The following PPARGC1B variants were observed in gnomAD, a reference collection of about 807,000 sequenced individuals.
The protein encoded by PPARGC1B is PPARG coactivator 1 beta.
In PPARGC1B, 34 loss-of-function variants were observed where a neutral mutation model predicts 101.6. The ratio of observed to expected loss-of-function variants is 0.33; its 90% CI spans 0.25 to 0.45. The LOEUF (loss-of-function observed/expected upper bound fraction) is 0.45. Among genes scored for constraint, PPARGC1B ranks in the 20% least tolerant of loss-of-function variants. The pLI is 1.00. For missense variants in PPARGC1B, 1,234 were observed against 1,317.6 expected (o/e 0.94, Z 0.98); for synonymous variants, 548 against 539.3 (o/e 1.02, Z -0.22).
intron 1 of PPARGC1B, among the ~76,000 whole-genome samples, chr5:149,788,991 G>A (rs1476861622): frequency 6.6e-6 from 1 of 152,078 alleles, no homozygotes; most frequent in Non-Finnish European, 1.5e-5. Context: ...CGAGTTAATG[G>A]GGGGTGCAGC....
chr5:149,748,039 G>T (rs1206226816), intron 1 of PPARGC1B, among the ~76,000 whole-genome samples: 3 of 152,116 alleles, frequency 2.0e-5, no homozygotes, highest in Non-Finnish European at 4.4e-5. Flanking sequence ...GCCCTCCTTT[G>T]CTCAGCTGGC....
Position 149,820,533 on chromosome 5 carries a change from A to G in PPARGC1B, c.179A>G (p.Glu60Gly). The change falls in exon 2 of 12, where the codon GAG becomes GGG. Residue 60 changes from glutamate to glycine, a missense_variant. Physicochemically the swap from Glu to Gly is moderately conservative, Grantham distance 98. Around this residue, in one of 3 missense-constraint regions of PPARGC1B, gnomAD observed 734 missense variants for 768.4 expected, o/e 0.96. Transcript: ENST00000309241. ...SDFDSATCFG[E>G]LQWCPENSET... ...TTTGACTCGGCCACCTGCTTTGGGG[A>G]GCTGCAGTGGTGCCCAGAGAACTCA... 6.2e-7 allele frequency: 1 copy of G among 1,613,946 alleles called. No homozygotes were observed. The highest frequency in any genetic ancestry group is 2.2e-5 in the East Asian group (1 of 44,882).
At chr5:149,769,286 T>G (rs1278119277) in intron 1 of PPARGC1B, among the ~76,000 whole-genome samples, 1 of 152,208 alleles carries the variant, frequency 6.6e-6, no homozygotes, top group African/African-American at 2.4e-5. Flanking sequence ...CCACCACTTA[T>G]CTCCTGTTGT....
rs765482545 is a variant in PPARGC1B at position 149,842,358 on chromosome 5, G to T, written c.2797G>T (p.Val933Leu). 5.0e-6 allele frequency: 8 copies of T among 1,613,906 alleles called. No homozygotes were observed. The South Asian group carries it at 6.6e-5, about 13-fold the overall frequency. ...GTTTGGTGAGATTGAGGAGTGCGAG[G>T]TGCTGACAAGAAATAGGAGGTGAGT... Reference protein sequence around the residue: ...EVFGEIEECEVLTRNRRGEKY... With the variant: ...EVFGEIEECELLTRNRRGEKY... The change falls in exon 10 of 12, where the codon GTG (valine) becomes TTG (leucine). Residue 933 changes from valine (V) to leucine (L), a missense_variant. Transcript: ENST00000309241.
At chr5:149,756,671 G>GT (rs1325053862) in intron 1 of PPARGC1B, among the ~76,000 whole-genome samples, 3 of 152,086 alleles carry the variant, frequency 2.0e-5, no homozygotes, top group Non-Finnish European at 4.4e-5. Context: ...AGATTTGAGG[G>GT]TTTTTCCTGC....
intron 1 of PPARGC1B, among the ~76,000 whole-genome samples, chr5:149,802,409 C>A (rs1317508802): frequency 6.6e-6 from 1 of 151,944 alleles, no homozygotes; most frequent in Non-Finnish European, 1.5e-5. Context: ...TTTTATTTTT[C>A]TTCTTGACTT....
intron 1 of PPARGC1B, among the ~76,000 whole-genome samples, chr5:149,748,979 CA>C (rs1178772807): frequency 6.6e-6 from 1 of 152,114 alleles, no homozygotes; most frequent in Non-Finnish European, 1.5e-5. Context: ...TGAATGGTAT[CA>C]CCCTGTGGAC....
chr5:149,771,383 G>A (rs920209218), intron 1 of PPARGC1B, among the ~76,000 whole-genome samples: 7 of 152,336 alleles, frequency 4.6e-5, no homozygotes, highest in Middle Eastern at 6.8e-3. Flanking sequence ...AGGTAGGCAG[G>A]TTTCCTTACA....
chr5:149,734,605 AT>A (rs1299245567), intron 1 of PPARGC1B, among the ~76,000 whole-genome samples: 3 of 152,026 alleles, frequency 2.0e-5, no homozygotes. Context: ...ATATCTTTTT[AT>A]GTATGTCTTT....
rs1302501775 is a variant in PPARGC1B at position 149,833,342 on chromosome 5, T to C, written c.1269T>C (p.Pro423=). ...AGGTGAAAAGGGAGGTCCGCCGGCCTGCCAGACTGCAGCAGCAGGAGGAGG... is the reference window on the plus strand; with the variant it reads ...AGGTGAAAAGGGAGGTCCGCCGGCCCGCCAGACTGCAGCAGCAGGAGGAGG... ...RLEVKREVRR[P]ARLQQQEEED... is the part of the protein sequence containing the mutation. Residue 423 remains proline, a synonymous_variant, in exon 5 of 12, where the codon CCT becomes CCC. Transcript: ENST00000309241. The surrounding 1 kb of genome is among the most constrained non-coding windows in gnomAD (Gnocchi z 4.1). 2.5e-6 allele frequency: 4 copies of C among 1,613,194 alleles called. No individual in the cohort carries two copies. Among genetic ancestry groups the C allele is most frequent in the Non-Finnish European group, 3.4e-6 (4 of 1,179,978 alleles).
chr5:149,857,024 G>A (rs149816668), downstream of PPARGC1B, among the ~76,000 whole-genome samples: 764 of 151,934 alleles, frequency 5.0e-3, 3 homozygotes, highest in Non-Finnish European at 6.1e-3. Flanking sequence ...CATCCACCTC[G>A]GCCTCCCAAA....
intron 1 of PPARGC1B, among the ~76,000 whole-genome samples, chr5:149,762,329 T>C (rs926496043): frequency 9.2e-5 from 14 of 152,098 alleles, no homozygotes; most frequent in African/African-American, 3.4e-4. Flanking sequence ...GTATTTTTAG[T>C]AGAAATGAGG....
chr5:149,760,382 T>C (rs988792513), intron 1 of PPARGC1B, among the ~76,000 whole-genome samples: 4 of 152,222 alleles, frequency 2.6e-5, no homozygotes, highest in African/African-American at 9.6e-5. Flanking sequence ...TTTGACCAAC[T>C]CACCTGGATC....
chr5:149,834,546 T>TG lies in PPARGC1B; in HGVS notation c.1706-127dup, dbSNP rs1758962733. Reference sequence around the variant, plus strand: ...TGCCCTTCTCTAAAAGTGGCAGAGGTGTTTGGTCACCTGCCCAAAGGGCAG... The same window carrying TG: ...TGCCCTTCTCTAAAAGTGGCAGAGGTGGTTTGGTCACCTGCCCAAAGGGCAG... On this transcript the variant is annotated intron_variant, in intron 5 of 11. Coordinates refer to ENST00000309241, the MANE Select transcript of PPARGC1B (RefSeq NM_133263.4). 12 of 715,148 alleles carry TG rather than the reference T, an allele frequency of 1.7e-5. No individual in the cohort carries two copies. In the East Asian group the frequency reaches 3.1e-4, roughly 19 times the overall value. The allele number at this position is 715,148 out of a possible 1,614,324, so 44.3% of individuals were successfully genotyped here. A position where few individuals can be genotyped will look rare whatever the true frequency, so the allele number is the denominator to read the frequency against.
chr5:149,841,388 G>A (rs962277137), intron 9 of PPARGC1B, among the ~76,000 whole-genome samples: 2 of 152,290 alleles, frequency 1.3e-5, no homozygotes, highest in Middle Eastern at 3.4e-3. Flanking sequence ...ATCGTATGTT[G>A]TGGGATGTAC....
At chr5:149,780,319 G>GT (rs1159532827) in intron 1 of PPARGC1B, among the ~76,000 whole-genome samples, 1 of 152,166 alleles carries the variant, frequency 6.6e-6, no homozygotes, top group Non-Finnish European at 1.5e-5. Flanking sequence ...GACCCACGTT[G>GT]GCTCTCCTGA....
chr5:149,817,005 T>C (rs1177676058), intron 1 of PPARGC1B, among the ~76,000 whole-genome samples: 1 of 152,166 alleles, frequency 6.6e-6, no homozygotes, highest in Non-Finnish European at 1.5e-5. Context: ...GCCTTTCTAG[T>C]GTCATCTTTT....
chr5:149,837,010 G>A lies in PPARGC1B; in HGVS notation c.2555G>A (p.Ser852Asn), dbSNP rs372748620. Residue 852 changes from serine (S) to asparagine (N), a missense_variant, in exon 8 of 12, where the codon AGC (serine) becomes AAC (asparagine). This residue lies in a region of PPARGC1B where 497 missense variants were observed against 529.5 expected (regional missense o/e 0.94). Transcript: ENST00000309241. This position sits in a 1 kb window ranked among gnomAD's most constrained non-coding sequence, Gnocchi z 4.2. The stretch of plus-strand genomic sequence containing the variant: ...GCCAACCGGCAGCTCTGTTCCCGCA[G>A]CCGCTCAAGCTCTGGCTCTTCACCC... ...SKANRQLCSR[S>N]RSSSGSSPCH... is the part of the protein sequence containing the mutation. 3 of 1,613,808 alleles carry A rather than the reference G, an allele frequency of 1.9e-6. No homozygotes were observed. Among genetic ancestry groups the A allele is most frequent in the Non-Finnish European group, 2.5e-6 (3 of 1,180,030 alleles).
In PPARGC1B at chr5:149,853,651, A is replaced by AT. The variant is rs1415489036; in HGVS notation, c.*6099dup. On this transcript the variant is annotated 3_prime_UTR_variant, in exon 12 of 12. Coordinates refer to ENST00000309241, the MANE Select transcript of PPARGC1B (RefSeq NM_133263.4). This position sits in a 1 kb window ranked among gnomAD's most constrained non-coding sequence, Gnocchi z 4.2. ...ATAGCCAAATAGTTTTTTTTGTTCA[A>AT]TTTTTTGTTTCTGTATTTTGTATTT... The AT allele has an allele frequency of 6.6e-6, 1 of 152,122 alleles. No homozygotes were observed. Among genetic ancestry groups the AT allele is most frequent in the Non-Finnish European group, 1.5e-5 (1 of 68,002 alleles). The allele number at this position is 152,122 out of a possible 1,614,324, so 9.4% of individuals were successfully genotyped here.
Sources: gnomAD v4.1 joint callset for allele counts (sites outside exome capture counted in the v4.1 genomes callset) on GRCh38, gnomAD v4.1.1 for gene constraint, gnomAD v4.1.1 regional missense constraint, Gnocchi (gnomAD v3.1) non-coding constraint, MANE v1.5 for transcripts, NCBI Gene and HGNC (gene_info 2026-07-23, HGNC 2026-07-21) for gene names.